The following FLT1 variants were observed in gnomAD, a reference collection of about 807,000 sequenced individuals.
FLT1 encodes fms related receptor tyrosine kinase 1.
A neutral mutation model predicts 156.3 loss-of-function variants in FLT1; 49 were observed. That is an observed-to-expected ratio of 0.31 (90% CI 0.25 to 0.40). The LOEUF is 0.40. FLT1 is among the 10% of genes least tolerant of loss of function. FLT1 has a pLI of 1.00. For synonymous variants in FLT1, 594 were observed against 583.8 expected, an observed-to-expected ratio of 1.02 and a Z score of -0.25; for missense variants, 1,322 against 1,637.2, an observed-to-expected ratio of 0.81 and a Z score of 3.32.
At chr13:28,413,931 C>T (rs906488523) in intron 10 of FLT1, among the ~76,000 whole-genome samples, 6 of 152,174 alleles carry the variant, frequency 3.9e-5, no homozygotes, top group Admixed American at 3.3e-4. Context: ...CTTTGAGAAT[C>T]GTAGTCACAG....
intron 6 of FLT1, 145 bp downstream of exon 6, chr13:28,433,674 C>T (rs1013170044): frequency 1.3e-6 from 1 of 778,962 alleles, no homozygotes; most frequent in Non-Finnish European, 2.2e-6. Context: ...AAAGAAAGCA[C>T]TCAAACCAAA....
intron 11 of FLT1, among the ~76,000 whole-genome samples, chr13:28,404,278 A>G (rs1875648987): frequency 6.6e-6 from 1 of 152,196 alleles, no homozygotes; most frequent in Admixed American, 6.5e-5. Flanking sequence ...TTATCATATA[A>G]GCTATTGCCA....
rs1421719099 is a variant in FLT1 at position 28,321,472 on chromosome 13, T to C, written c.3165A>G (p.Arg1055=). ...CATCAAACTGACTTACATCTCCTTT[T>C]CTCACATAATCGGGGTTCTTATAAA... ...RDIYKNPDYV[R]KGDTRLPLKW... The change falls in exon 23 of 30, where the codon AGA becomes AGG. Residue 1055 remains arginine (R), a synonymous_variant. Transcript: ENST00000282397. 1.2e-5 allele frequency: 19 copies of C among 1,614,140 alleles called. No homozygotes were observed. The highest frequency in any genetic ancestry group is 1.6e-5 in the Non-Finnish European group (19 of 1,180,022).
chr13:28,415,453 C>T (rs1876591398), intron 10 of FLT1, among the ~76,000 whole-genome samples: 1 of 152,104 alleles, frequency 6.6e-6, no homozygotes, highest in Non-Finnish European at 1.5e-5. Context: ...TGCACTCCAG[C>T]CTGGGCAACA....
chr13:28,374,699 G>A (rs61950227), intron 14 of FLT1, among the ~76,000 whole-genome samples: 67,478 of 151,520 alleles, frequency 0.45, 16,251 homozygotes, highest in East Asian at 0.6. Context: ...ATTTTTAGTA[G>A]AGACAGGGTT....
Position 28,393,585 on chromosome 13 carries a change from TTTG to T in FLT1, c.1660+3372_1660+3374del, listed in dbSNP as rs955172507. ...ACTCAAAAAAATTTTTGTGTTTGTT[TTTG>T]TTGTTGTTGTTGTTTTGAGGCAGGC... On this transcript the variant is annotated intron_variant, in intron 12 of 29. Coordinates refer to ENST00000282397, the MANE Select transcript of FLT1 (RefSeq NM_002019.4). Among the ~76,000 whole-genome samples, 31 of 152,178 alleles carry T rather than the reference TTTG, an allele frequency of 2.0e-4. No homozygotes were observed. In the South Asian group the frequency reaches 4.8e-3, roughly 23 times the overall value.
At chr13:28,370,060 G>T (rs984200036) in intron 14 of FLT1, among the ~76,000 whole-genome samples, 1 of 151,994 alleles carries the variant, frequency 6.6e-6, no homozygotes, top group Non-Finnish European at 1.5e-5. Context: ...AAATTAGCCC[G>T]GCATGGTGGC....
At chr13:28,412,346 CTT>C (rs1395459343) in intron 10 of FLT1, among the ~76,000 whole-genome samples, 2 of 58,364 alleles carry the variant, frequency 3.4e-5, no homozygotes, top group African/African-American at 1.0e-4. Context: ...TTCTTTCTTT[CTT>C]TCTCTTTCTT....
At chr13:28,368,548 T>C (rs765294803) in intron 14 of FLT1, 1 of 1,534,294 alleles carries the variant, frequency 6.5e-7, no homozygotes, top group African/African-American at 1.4e-5. Context: ...GCTATGATGA[T>C]GATGATGATG....
At chr13:28,333,940 C>G (rs974791497) in intron 18 of FLT1, 85 bp downstream of exon 18, 1 of 888,556 alleles carries the variant, frequency 1.1e-6, no homozygotes, top group Non-Finnish European at 1.9e-6. Context: ...TGTGTCTGTT[C>G]CCAGGCTATA....
At chr13:28,487,370 G>A (rs192546459) in intron 1 of FLT1, among the ~76,000 whole-genome samples, 1 of 152,308 alleles carries the variant, frequency 6.6e-6, no homozygotes, top group East Asian at 1.9e-4. Flanking sequence ...AACAGCCAAG[G>A]CTTTTCATTT....
At chr13:28,336,443 T>C (rs1325543580) in intron 17 of FLT1, among the ~76,000 whole-genome samples, 1 of 152,206 alleles carries the variant, frequency 6.6e-6, no homozygotes, top group Non-Finnish European at 1.5e-5. Flanking sequence ...CAGTGTTTCC[T>C]GGAATGCCAC....
intron 1 of FLT1, among the ~76,000 whole-genome samples, chr13:28,489,908 C>A (rs1881377724): frequency 6.6e-6 from 1 of 152,080 alleles, no homozygotes; most frequent in South Asian, 2.1e-4. Context: ...TAGTTTAAAC[C>A]CCTTATGTGC....
intron 25 of FLT1, among the ~76,000 whole-genome samples, chr13:28,312,905 C>G (rs1247210620): frequency 6.6e-6 from 1 of 152,158 alleles, no homozygotes; most frequent in Non-Finnish European, 1.5e-5. Flanking sequence ...CAAATCTTGT[C>G]CTGGGATTCC....
chr13:28,310,190 G>C (rs1008499494), intron 27 of FLT1, among the ~76,000 whole-genome samples: 1 of 151,962 alleles, frequency 6.6e-6, no homozygotes, highest in Non-Finnish European at 1.5e-5. Flanking sequence ...GTGCCCGGCC[G>C]CAAGCAGTAT....
At chr13:28,346,527 C>T (rs550207799) in intron 15 of FLT1, among the ~76,000 whole-genome samples, 5 of 150,208 alleles carry the variant, frequency 3.3e-5, no homozygotes, top group Admixed American at 2.7e-4. Context: ...TGAGACCAGC[C>T]TGGGCAACAT....
chr13:28,478,715 C>T lies in FLT1; in HGVS notation c.65-11098G>A, dbSNP rs559558904. 8.1e-4 allele frequency among the ~76,000 whole-genome samples: 124 copies of T among 152,276 alleles called. 1 individual carries two copies. Among genetic ancestry groups the T allele is most frequent in the African/African-American group, 2.8e-3 (118 of 41,560 alleles). On this transcript the variant is annotated intron_variant, in intron 1 of 29. Transcript: ENST00000282397. ...CATAAAATGCATATTGTTCCAGTTT[C>T]TATTTTGATTCCCAAATAGTGCCTT...
intron 13 of FLT1, chr13:28,385,597 TC>T (rs1874312400): frequency 9.9e-7 from 1 of 1,014,946 alleles, no homozygotes; most frequent in South Asian, 4.6e-5. Context: ...TCCATTCCCT[TC>T]CCAAATGCAA....
intron 14 of FLT1, among the ~76,000 whole-genome samples, chr13:28,369,419 C>T (rs769363744): frequency 2.0e-5 from 3 of 151,724 alleles, no homozygotes; most frequent in Non-Finnish European, 2.9e-5. Context: ...CAGCTACTCA[C>T]GAGGCTGAGG....
Sources: gnomAD v4.1 joint callset for allele counts (sites outside exome capture counted in the v4.1 genomes callset) on GRCh38, gnomAD v4.1.1 for gene constraint, MANE v1.5 for transcripts, NCBI Gene and HGNC (gene_info 2026-07-23, HGNC 2026-07-21) for gene names.